LHFPL3: variants seen among roughly 807,000 people sequenced by gnomAD.
LHFPL3 encodes the protein LHFPL tetraspan subfamily member 3.
LHFPL3 carries 5 observed loss-of-function variants against 19.3 expected under a neutral mutation model. The ratio of observed to expected loss-of-function variants is 0.26; its 90% CI spans 0.14 to 0.54. LHFPL3 has a LOEUF of 0.54. Among genes scored for constraint, LHFPL3 ranks in the 20% least tolerant of loss-of-function variants. The pLI is 0.94. For missense variants in LHFPL3, 249 were observed against 307.4 expected (o/e 0.81, Z 1.42); for synonymous variants, 133 against 126.2 (o/e 1.05, Z -0.36).
chr7:104,706,515 T>C (rs926018958), intron 1 of LHFPL3, among the ~76,000 whole-genome samples: 1 of 152,224 alleles, frequency 6.6e-6, no homozygotes, highest in African/African-American at 2.4e-5. Context: ...TCATCCATAA[T>C]GTAGATTTTA....
chr7:104,791,295 C>A (rs528718576), intron 2 of LHFPL3, among the ~76,000 whole-genome samples: 47 of 152,310 alleles, frequency 3.1e-4, no homozygotes, highest in Admixed American at 7.8e-4. Flanking sequence ...AGAACAAAGC[C>A]TGTGGGCAAC....
intron 2 of LHFPL3, among the ~76,000 whole-genome samples, chr7:104,847,390 G>C (rs934900794): frequency 6.6e-6 from 1 of 152,198 alleles, no homozygotes. Context: ...GCTTTCAGCA[G>C]AGTTTTGAGA....
At chr7:104,410,579 A>G (rs567828240) in intron 1 of LHFPL3, among the ~76,000 whole-genome samples, 1 of 152,372 alleles carries the variant, frequency 6.6e-6, no homozygotes, top group South Asian at 2.1e-4. Context: ...AAAGGGAGGA[A>G]TAATCCACAA....
At chr7:104,755,258 A>G (rs2116355355) in intron 2 of LHFPL3, among the ~76,000 whole-genome samples, 1 of 151,488 alleles carries the variant, frequency 6.6e-6, no homozygotes, top group South Asian at 2.1e-4. Context: ...CTGCTATGTC[A>G]CATTTGCTAA....
chr7:104,509,082 A>G (rs898169811), intron 1 of LHFPL3, among the ~76,000 whole-genome samples: 1 of 152,108 alleles, frequency 6.6e-6, no homozygotes. Context: ...TCCTATAACT[A>G]TATAGGAACC....
At chr7:104,348,345 A>G (rs988905515) in intron 1 of LHFPL3, among the ~76,000 whole-genome samples, 6 of 152,218 alleles carry the variant, frequency 3.9e-5, no homozygotes, top group Admixed American at 3.3e-4. Flanking sequence ...ATCTCGTACT[A>G]TTGCACTCCA....
chr7:104,780,251 A>G (rs1283978571), intron 2 of LHFPL3, among the ~76,000 whole-genome samples: 1 of 151,586 alleles, frequency 6.6e-6, no homozygotes, highest in Non-Finnish European at 1.5e-5. Flanking sequence ...CCTTGAAAGA[A>G]AGGGAGCCAG....
At position 104,907,981 on chromosome 7, in the gene LHFPL3, CTGAGGATTATT is replaced by C. The variant is rs1445135522; in HGVS notation, c.*1769_*1779del. 6.6e-6 allele frequency among the ~76,000 whole-genome samples: 1 copy of C among 152,184 alleles called. No individual in the cohort carries two copies. The highest frequency in any genetic ancestry group is 2.4e-5 in the African/African-American group (1 of 41,450). ...ATCTACAACTAAAGTATTAGTCATT[CTGAGGATTATT>C]TGTTGCTTTAAGTATTAGCTCCCTA... On this transcript the variant is annotated 3_prime_UTR_variant, in exon 3 of 3. Coordinates refer to ENST00000424859, the MANE Select transcript of LHFPL3 (RefSeq NM_199000.3).
intron 1 of LHFPL3, among the ~76,000 whole-genome samples, chr7:104,449,182 A>C (rs1792384844): frequency 6.6e-6 from 1 of 152,234 alleles, no homozygotes; most frequent in Admixed American, 6.5e-5. Context: ...TTGTTTTTGT[A>C]GTGATGCATC....
At chr7:104,390,434 G>A (rs961354696) in intron 1 of LHFPL3, among the ~76,000 whole-genome samples, 10 of 151,800 alleles carry the variant, frequency 6.6e-5, no homozygotes, top group African/African-American at 1.7e-4. Flanking sequence ...GAGAACATGC[G>A]GTGTTTGGTT....
At chr7:104,644,751 C>CG (rs1366352599) in intron 1 of LHFPL3, among the ~76,000 whole-genome samples, 1 of 2,842 alleles carries the variant, frequency 3.5e-4, no homozygotes, top group Non-Finnish European at 9.6e-3. Flanking sequence ...GACATTCCTC[C>CG]CCCTCCCTGC....
intron 1 of LHFPL3, among the ~76,000 whole-genome samples, chr7:104,705,515 C>A (rs866915595): frequency 1.3e-5 from 2 of 152,304 alleles, no homozygotes; most frequent in African/African-American, 4.8e-5. Flanking sequence ...GTTCTCTCCC[C>A]CTTCTTTTTT....
At chr7:104,660,939 A>G (rs979786046) in intron 1 of LHFPL3, among the ~76,000 whole-genome samples, 7 of 152,000 alleles carry the variant, frequency 4.6e-5, no homozygotes, top group African/African-American at 1.7e-4. Flanking sequence ...TATACCTAAG[A>G]TGGTAAACTC....
intron 2 of LHFPL3, among the ~76,000 whole-genome samples, chr7:104,847,673 G>A (rs1176401376): frequency 6.6e-6 from 1 of 152,162 alleles, no homozygotes; most frequent in East Asian, 1.9e-4. Context: ...ACCATGCCCA[G>A]CTAATGTTTT....
intron 1 of LHFPL3, among the ~76,000 whole-genome samples, chr7:104,330,739 TTC>T (rs1361545425): frequency 6.6e-6 from 1 of 152,112 alleles, no homozygotes; most frequent in African/African-American, 2.4e-5. Context: ...CCCCAACTTT[TTC>T]TAGCAATTCC....
At chr7:104,367,455 T>A (rs1333929144) in intron 1 of LHFPL3, among the ~76,000 whole-genome samples, 6 of 152,226 alleles carry the variant, frequency 3.9e-5, no homozygotes, top group Admixed American at 1.3e-4. Flanking sequence ...CTCAAACTTC[T>A]GTGTATTAAG....
intron 2 of LHFPL3, among the ~76,000 whole-genome samples, chr7:104,841,859 T>C (rs1791216964): frequency 6.6e-6 from 1 of 152,154 alleles, no homozygotes; most frequent in African/African-American, 2.4e-5. Flanking sequence ...ATTGCCCCTC[T>C]ATTGTTTCAG....
intron 1 of LHFPL3, among the ~76,000 whole-genome samples, chr7:104,583,590 C>T (rs1045157391): frequency 1.1e-4 from 16 of 152,242 alleles, no homozygotes; most frequent in East Asian, 3.9e-4. Flanking sequence ...CCAGAATCTA[C>T]GAAGAACCCA....
At chr7:104,345,186 G>A (rs1008311753) in intron 1 of LHFPL3, among the ~76,000 whole-genome samples, 2 of 152,122 alleles carry the variant, frequency 1.3e-5, no homozygotes, top group African/African-American at 4.8e-5. Context: ...ATTTTCAAAT[G>A]TGTTGGCATA....
Sources: allele counts gnomAD v4.1 joint callset (sites outside exome capture counted in the v4.1 genomes callset), GRCh38; gene constraint gnomAD v4.1.1; transcripts MANE v1.5; gene names NCBI Gene and HGNC (gene_info 2026-07-23, HGNC 2026-07-21).